Variants in UNC13C observed in about 807,000 individuals in gnomAD.
UNC13C encodes unc-13 homolog C, also known as protein unc-13 homolog C.
A neutral mutation model predicts 245.4 loss-of-function variants in UNC13C; 174 were observed. That is an observed-to-expected ratio of 0.71 (90% CI 0.63 to 0.80). The LOEUF (loss-of-function observed/expected upper bound fraction) is 0.80, where lower values mean the gene tolerates loss of function less well. Among genes scored for constraint, UNC13C ranks in the 30% least tolerant of loss-of-function variants. The pLI is 0.00. For synonymous variants in UNC13C, 992 were observed against 895.1 expected, an observed-to-expected ratio of 1.11 and a Z score of -1.93; for missense variants, 2,829 against 2,602.9, an observed-to-expected ratio of 1.09 and a Z score of -1.89.
intron 4 of UNC13C, among the ~76,000 whole-genome samples, chr15:54,195,367 C>G (rs551922532): frequency 1.3e-4 from 20 of 152,164 alleles, no homozygotes; most frequent in Non-Finnish European, 2.8e-4. Flanking sequence ...CATTTTTGCA[C>G]TGTAGCTTTG....
At chr15:54,226,639 A>G (rs1425223269) in intron 4 of UNC13C, among the ~76,000 whole-genome samples, 1 of 152,156 alleles carries the variant, frequency 6.6e-6, no homozygotes, top group African/African-American at 2.4e-5. Flanking sequence ...CAGAGTGGCA[A>G]GGGGTGTGTT....
rs758676437 is a variant in UNC13C at position 54,463,548 on chromosome 15, G to A, written c.4934-31060G>A. On this transcript the variant is annotated intron_variant, in intron 19 of 32. Transcript: ENST00000260323. ...AGGAGCAAGCAATTCCAGACGCGCC[G>A]CCTTAAGAGCTGTAACACTCACTGC... Among the ~76,000 whole-genome samples, 112 of 151,754 alleles carry A rather than the reference G, an allele frequency of 7.4e-4. 1 individual carries two copies. The highest frequency in any genetic ancestry group is 3.5e-3 in the Admixed American group (54 of 15,242).
chr15:54,297,788 C>G (rs1337961651), intron 11 of UNC13C, 23 bp from the exon 12 acceptor site: 1 of 1,517,026 alleles, frequency 6.6e-7, no homozygotes, highest in African/African-American at 1.4e-5. Flanking sequence ...CATGACTGAC[C>G]AATTGCCTTT....
At chr15:54,485,753 C>G (rs911841738) in intron 19 of UNC13C, among the ~76,000 whole-genome samples, 3 of 152,168 alleles carry the variant, frequency 2.0e-5, no homozygotes, top group African/African-American at 4.8e-5. Flanking sequence ...CACTGGCCTC[C>G]TTGCATCTCT....
intron 17 of UNC13C, among the ~76,000 whole-genome samples, chr15:54,369,745 G>A (rs1011836577): frequency 1.3e-5 from 2 of 152,080 alleles, no homozygotes; most frequent in Admixed American, 1.3e-4. Context: ...ATGACACTCA[G>A]ATTAGTCAAC....
At chr15:54,122,921 C>T (rs990819010) in intron 2 of UNC13C, among the ~76,000 whole-genome samples, 1 of 152,130 alleles carries the variant, frequency 6.6e-6, no homozygotes, top group African/African-American at 2.4e-5. Flanking sequence ...TGAAATTTCA[C>T]ATTTAAGTAT....
chr15:54,058,221 T>G (rs966090970), intron 2 of UNC13C, among the ~76,000 whole-genome samples: 1 of 151,892 alleles, frequency 6.6e-6, no homozygotes, highest in African/African-American at 2.4e-5. Context: ...CTAGCAAGAC[T>G]AATAAAGAAG....
chr15:54,152,853 GA>G (rs1332440167), intron 4 of UNC13C, among the ~76,000 whole-genome samples: 1 of 150,702 alleles, frequency 6.6e-6, no homozygotes, highest in African/African-American at 2.4e-5. Context: ...AAAAGTCTTA[GA>G]GAGAAAAAAA....
chr15:54,047,288 C>T (rs530157524), intron 2 of UNC13C, among the ~76,000 whole-genome samples: 253 of 152,006 alleles, frequency 1.7e-3, no homozygotes, highest in Non-Finnish European at 2.8e-3. Flanking sequence ...ATTTTAACCA[C>T]GTTTATGGGT....
chr15:54,556,269 G>C (rs1897085044), intron 29 of UNC13C, among the ~76,000 whole-genome samples: 1 of 152,038 alleles, frequency 6.6e-6, no homozygotes, highest in Non-Finnish European at 1.5e-5. Context: ...GAATAGCATA[G>C]CTACTAACTA....
chr15:54,562,758 T>C (rs1396740606), intron 29 of UNC13C, among the ~76,000 whole-genome samples: 1 of 152,056 alleles, frequency 6.6e-6, no homozygotes, highest in East Asian at 1.9e-4. Context: ...AAGCTGTTTA[T>C]TGAATAACAT....
intron 13 of UNC13C, chr15:54,320,894 G>A: frequency 3.0e-6 from 1 of 333,794 alleles, no homozygotes; most frequent in South Asian, 2.6e-5. Flanking sequence ...TCCTATCATT[G>A]CCAAAATTGT....
At chr15:53,964,972 A>G in the UNC13C span, among the ~76,000 whole-genome samples, 3 of 152,196 alleles carry the variant, frequency 2.0e-5, no homozygotes, top group African/African-American at 7.2e-5. Context: ...GTAAGAAAAT[A>G]CAATTGTTCA....
intron 17 of UNC13C, among the ~76,000 whole-genome samples, chr15:54,371,637 AT>A (rs2039489157): frequency 6.6e-6 from 1 of 151,812 alleles, no homozygotes; most frequent in South Asian, 2.1e-4. Context: ...TCCATGTGTA[AT>A]TTTTTGATAT....
chr15:54,209,378 G>C (rs1264429651), intron 4 of UNC13C, among the ~76,000 whole-genome samples: 1 of 151,870 alleles, frequency 6.6e-6, no homozygotes, highest in African/African-American at 2.4e-5. Flanking sequence ...AGTGTATCCT[G>C]AACTGACCCT....
intron 26 of UNC13C, among the ~76,000 whole-genome samples, chr15:54,536,907 T>C (rs1055584803): frequency 2.0e-5 from 3 of 152,064 alleles, no homozygotes; most frequent in Non-Finnish European, 2.9e-5. Context: ...AGCATTCCCC[T>C]TGAGAACCAG....
intron 2 of UNC13C, among the ~76,000 whole-genome samples, chr15:54,106,317 T>C (rs1595862842): frequency 2.0e-5 from 3 of 152,330 alleles, no homozygotes; most frequent in African/African-American, 7.2e-5. Context: ...CTTATAAAAA[T>C]GAATCATTAC....
At chr15:54,458,025 G>A (rs1891631029) in intron 19 of UNC13C, among the ~76,000 whole-genome samples, 1 of 150,714 alleles carries the variant, frequency 6.6e-6, no homozygotes. Flanking sequence ...AGGCATTTAA[G>A]CTATTAACGT....
chr15:54,340,442 T>C (rs2038701769), intron 17 of UNC13C, among the ~76,000 whole-genome samples: 1 of 152,196 alleles, frequency 6.6e-6, no homozygotes, highest in South Asian at 2.1e-4. Flanking sequence ...TTCCTTGACC[T>C]ATCATGAGTA....
Sources: allele counts gnomAD v4.1 joint callset (sites outside exome capture counted in the v4.1 genomes callset), GRCh38; gene constraint gnomAD v4.1.1; transcripts MANE v1.5; gene names NCBI Gene and HGNC (gene_info 2026-07-23, HGNC 2026-07-21).